Variants in MED1 observed in about 807,000 individuals in gnomAD.
MED1 encodes mediator complex subunit 1, also known as mediator of RNA polymerase II transcription subunit 1.
In MED1, 17 loss-of-function variants were observed where a neutral mutation model predicts 121.3. The ratio of observed to expected loss-of-function variants is 0.14; its 90% CI spans 0.10 to 0.21. The LOEUF (loss-of-function observed/expected upper bound fraction) is 0.21, where lower values mean the gene tolerates loss of function less well. Ranked by LOEUF, MED1 falls within the 10% of genes least tolerant of loss-of-function variation. The pLI, the probability that MED1 is intolerant of heterozygous loss-of-function variation, is 1.00. For missense variants in MED1, 1,558 were observed against 1,919.4 expected, an observed-to-expected ratio of 0.81 and a Z score of 3.52; for synonymous variants, 661 against 694.4, an observed-to-expected ratio of 0.95 and a Z score of 0.76.
At position 39,409,432 on chromosome 17, in the gene MED1, T is replaced by G; in HGVS notation, c.2789A>C (p.Asp930Ala). ...GCCGGCTACTGAAATAATACTGAAA[T>G]CAACTGTGTCGGCTTGGTTATTGCC... ...FKGNNQADTV[D>A]FSIISVAGKA... The change falls in exon 17 of 17, where the codon GAT becomes GCT. Residue 930 changes from aspartate (D) to alanine (A), a missense_variant. Around this residue, in one of 5 missense-constraint regions of MED1, gnomAD observed 793 missense variants for 898.2 expected, o/e 0.88. Transcript: ENST00000300651. 1 of 1,614,186 alleles carries G rather than the reference T, an allele frequency of 6.2e-7. No homozygotes were observed. Among genetic ancestry groups the G allele is most frequent in the Non-Finnish European group, 8.5e-7 (1 of 1,180,042 alleles).
chr17:39,408,956 C>A lies in MED1; in HGVS notation c.3265G>T (p.Val1089Leu), dbSNP rs2048329907. 6.2e-7 allele frequency: 1 copy of A among 1,614,172 alleles called. No individual in the cohort carries two copies. The highest frequency in any genetic ancestry group is 8.5e-7 in the Non-Finnish European group (1 of 1,180,034). The change falls in exon 17 of 17, where the codon GTG becomes TTG. Residue 1089 changes from valine to leucine, a missense_variant. Physicochemically the swap from Val to Leu is conservative, Grantham distance 32 (BLOSUM62 1). This residue lies in a region of MED1 where 793 missense variants were observed against 898.2 expected (regional missense o/e 0.88). Coordinates refer to ENST00000300651, the MANE Select transcript of MED1 (RefSeq NM_004774.4). This position sits in a 1 kb window ranked among gnomAD's most constrained non-coding sequence, Gnocchi z 4.7. ...TGGCTTTTGCTGCCTGAGGAAGACA[C>A]AGAACCACTGCTGGTATACTGACTG... ...SHSQYTSSGSVSSSGSKSHHS... is the reference protein window; with the variant it reads ...SHSQYTSSGSLSSSGSKSHHS...
intron 16 of MED1, among the ~76,000 whole-genome samples, chr17:39,411,185 G>T (rs933695008): frequency 2.6e-5 from 4 of 152,122 alleles, no homozygotes; most frequent in Non-Finnish European, 5.9e-5. Flanking sequence ...TGGGCGTGGT[G>T]GCGCGTGCCT....
intron 14 of MED1, 103 bp from the exon 15 acceptor site, chr17:39,415,442 G>A (rs2048399658): frequency 2.1e-6 from 2 of 961,900 alleles, no homozygotes; most frequent in Admixed American, 4.8e-5. Context: ...GGGAGGCCAA[G>A]GCAGGTGGAT....
chr17:39,427,794 TA>T lies in MED1; in HGVS notation c.650-5del. ...TACTTCAGGTTCATTAAATGACCTA[TA>T]AAAAATAAAACTCATAACTGTATCT... On this transcript the variant is annotated splice_polypyrimidine_tract_variant and splice_region_variant and intron_variant, in intron 9 of 16. Coordinates refer to ENST00000300651, the MANE Select transcript of MED1 (RefSeq NM_004774.4). The T allele has an allele frequency of 6.5e-7, 1 of 1,546,238 alleles. No individual in the cohort carries two copies. The highest frequency in any genetic ancestry group is 8.9e-7 in the Non-Finnish European group (1 of 1,125,474).
chr17:39,405,189 A>G lies in MED1; in HGVS notation c.*2286T>C, dbSNP rs997963492. The G allele has an allele frequency of 3.9e-6, 6 of 1,540,996 alleles. No individual in the cohort carries two copies. The highest frequency in any genetic ancestry group is 2.0e-5 in the Admixed American group (1 of 50,190). ...TGCTCCCTGGTTCTCAGGCAGGGTG[A>G]AGCAGTTTAGCCCCGGCTCCCTGTT... On this transcript the variant is annotated 3_prime_UTR_variant, in exon 17 of 17. Coordinates refer to ENST00000300651, the MANE Select transcript of MED1 (RefSeq NM_004774.4).
chr17:39,420,051 T>C, intron 13 of MED1, 133 bp from the exon 14 acceptor site: 1 of 679,822 alleles, frequency 1.5e-6, no homozygotes, highest in South Asian at 1.9e-5. Context: ...TCAGCTGATA[T>C]TATAAATGTC....
At chr17:39,442,945 C>T (rs1237386803) in intron 3 of MED1, among the ~76,000 whole-genome samples, 10 of 135,998 alleles carry the variant, frequency 7.4e-5, no homozygotes, top group African/African-American at 2.7e-4. Context: ...ATCTTCTTAT[C>T]GAGATTAATC....
rs768989727 is a variant in MED1, at chr17:39,408,395, T to C, written c.3826A>G (p.Ser1276Gly). 1 of 1,614,104 alleles carries C rather than the reference T, an allele frequency of 6.2e-7. No individual in the cohort carries two copies. The highest frequency in any genetic ancestry group is 1.1e-5 in the South Asian group (1 of 91,084). ...CTASSSSFSS[S>G]GSSMSSSQNQ... ...TGAGAGGATGACATGGAAGAGCCAC[T>C]TGAGGAAAAGGAGGAGGAAGATGCC... Residue 1276 changes from serine (S) to glycine (G), a missense_variant, in exon 17 of 17, where the codon AGT (serine) becomes GGT (glycine). Around this residue, in one of 5 missense-constraint regions of MED1, gnomAD observed 793 missense variants for 898.2 expected, o/e 0.88. Coordinates refer to ENST00000300651, the MANE Select transcript of MED1 (RefSeq NM_004774.4). This position sits in a 1 kb window ranked among gnomAD's most constrained non-coding sequence, Gnocchi z 4.7.
chr17:39,450,112 C>A (rs1039014525), intron 1 of MED1, among the ~76,000 whole-genome samples: 1 of 102,734 alleles, frequency 9.7e-6, no homozygotes, highest in Non-Finnish European at 2.4e-5. Context: ...CAGTGCCCGG[C>A]AATTTTTTTA....
Position 39,408,195 on chromosome 17 carries a change from G to A in MED1, c.4026C>T (p.Ser1342=). Residue 1342 remains serine (S), a synonymous_variant, in exon 17 of 17, where the codon TCC becomes TCT. Transcript: ENST00000300651. The surrounding 1 kb of genome is among the most constrained non-coding windows in gnomAD (Gnocchi z 4.7). ...STNSSSHPMS[S]KHNMSGGEFQ... is the part of the protein sequence containing the mutation. ...ACTCTCCTCCTGACATGTTATGTTT[G>A]GAGGACATAGGATGGCTGGAAGAAT... The A allele has an allele frequency of 1.2e-6, 2 of 1,613,992 alleles. No individual in the cohort carries two copies. The highest frequency in any genetic ancestry group is 1.7e-6 in the Non-Finnish European group (2 of 1,180,022).
In MED1 at chr17:39,408,838, C is replaced by T; in HGVS notation, c.3383G>A (p.Ser1128Asn). The change falls in exon 17 of 17, where the codon AGT becomes AAT. Residue 1128 changes from serine (S) to asparagine (N), a missense_variant. This residue lies in a region of MED1 where 793 missense variants were observed against 898.2 expected (regional missense o/e 0.88). Coordinates refer to ENST00000300651, the MANE Select transcript of MED1 (RefSeq NM_004774.4). The surrounding 1 kb of genome is among the most constrained non-coding windows in gnomAD (Gnocchi z 4.7). Reference protein sequence around the residue: ...KSEGSSSSKLSSSMYSSQGSS... With the variant: ...KSEGSSSSKLNSSMYSSQGSS... ...CCCCTGGCTAGAATACATACTGCTA[C>T]TTAACTTGGAACTTGATGAACCTTC... is the stretch of plus-strand genomic sequence containing the variant. 6.2e-7 allele frequency: 1 copy of T among 1,614,140 alleles called. No individual in the cohort carries two copies. Among genetic ancestry groups the T allele is most frequent in the Non-Finnish European group, 8.5e-7 (1 of 1,180,022 alleles).
At chr17:39,417,810 C>T (rs1218928797) in intron 14 of MED1, among the ~76,000 whole-genome samples, 1 of 151,856 alleles carries the variant, frequency 6.6e-6, no homozygotes, top group East Asian at 1.9e-4. Context: ...TTCTAATAGC[C>T]AACTGTCTTT....
At chr17:39,416,925 G>A (rs1474389373) in intron 14 of MED1, among the ~76,000 whole-genome samples, 1 of 152,108 alleles carries the variant, frequency 6.6e-6, no homozygotes, top group Non-Finnish European at 1.5e-5. Flanking sequence ...ATAGTCCAGC[G>A]ACTTGAGGAG....
intron 10 of MED1, among the ~76,000 whole-genome samples, chr17:39,426,239 G>A (rs1182586622): frequency 6.6e-6 from 1 of 152,102 alleles, no homozygotes; most frequent in African/African-American, 2.4e-5. Flanking sequence ...TTCAGGTAAG[G>A]AGTTCAAGAC....
At chr17:39,416,918 G>A (rs904710210) in intron 14 of MED1, among the ~76,000 whole-genome samples, 1 of 152,146 alleles carries the variant, frequency 6.6e-6, no homozygotes, top group Non-Finnish European at 1.5e-5. Context: ...CATGCCTATA[G>A]TCCAGCGACT....
chr17:39,431,525 C>T (rs1372101730), intron 8 of MED1, among the ~76,000 whole-genome samples: 2 of 151,978 alleles, frequency 1.3e-5, no homozygotes, highest in African/African-American at 2.4e-5. Context: ...GTGATCCGCC[C>T]GCCTCGGCCT....
chr17:39,450,998 A>C (rs1310378629), intron 1 of MED1, 40 bp downstream of exon 1: 1 of 1,588,576 alleles, frequency 6.3e-7, no homozygotes, highest in Non-Finnish European at 8.6e-7. Flanking sequence ...TGGCTCCCCC[A>C]GTTGTGTCCC....
At chr17:39,432,037 A>C in intron 7 of MED1, 21 bp from the exon 8 acceptor site, 2 of 1,558,146 alleles carry the variant, frequency 1.3e-6, no homozygotes, top group South Asian at 2.2e-5. Flanking sequence ...GATGAGAAGA[A>C]CATGAGTTAA....
At chr17:39,431,895 AG>A in intron 8 of MED1, 46 bp downstream of exon 8, 1 of 1,391,608 alleles carries the variant, frequency 7.2e-7, no homozygotes, top group South Asian at 1.2e-5. Context: ...ATCTCCCCAG[AG>A]AAAAACTCAA....
Sources: allele counts gnomAD v4.1 joint callset (sites outside exome capture counted in the v4.1 genomes callset), GRCh38; gene constraint gnomAD v4.1.1; regional missense constraint gnomAD v4.1.1; non-coding constraint Gnocchi (gnomAD v3.1); transcripts MANE v1.5; gene names NCBI Gene and HGNC (gene_info 2026-07-23, HGNC 2026-07-21).